LRRC9: variants seen among roughly 807,000 people sequenced by gnomAD.
The protein encoded by LRRC9 is leucine rich repeat containing 9, also known as leucine-rich repeat-containing protein 9.
Under a neutral mutation model 63.2 loss-of-function variants are expected in LRRC9, and 122 were observed. The ratio of observed to expected loss-of-function variants is 1.93; its 90% CI spans 1.67 to 2.24. The LOEUF (loss-of-function observed/expected upper bound fraction) is 2.24, where lower values mean the gene tolerates loss of function less well. Ranked by LOEUF, LRRC9 falls within the 30% of genes most tolerant of loss-of-function variation. The probability of loss-of-function intolerance (pLI) is 0.00; values close to 1 mark genes in which losing one functional copy is unlikely to be tolerated. For synonymous variants in LRRC9, 366 were observed against 213.1 expected (o/e 1.72, Z -6.25); for missense variants, 1,071 against 627.7 (o/e 1.71, Z -7.55).
At chr14:60,055,906 G>GA (rs11395416) in intron 30 of LRRC9, among the ~76,000 whole-genome samples, 107,459 of 140,578 alleles carry the variant, frequency 0.76, 41,356 homozygotes, top group Non-Finnish European at 0.83. Context: ...CCCTGTCTTG[G>GA]AAAAAAAAAA....
chr14:59,928,876 A>G (rs1389573657), intron 3 of LRRC9, among the ~76,000 whole-genome samples: 1 of 152,140 alleles, frequency 6.6e-6, no homozygotes, highest in African/African-American at 2.4e-5. Flanking sequence ...AGCCATATAC[A>G]GAAGATTGAA....
chr14:60,032,508 G>A (rs961730223), intron 29 of LRRC9, among the ~76,000 whole-genome samples: 1 of 151,948 alleles, frequency 6.6e-6, no homozygotes, highest in African/African-American at 2.4e-5. Context: ...TGAGAATCTT[G>A]TTGATATTTT....
rs768733806 is a variant in LRRC9, at chr14:60,027,820, G to T, written c.3704-64G>T. On this transcript the variant is annotated intron_variant, in intron 27 of 31. Coordinates refer to ENST00000445360, the Ensembl canonical transcript of LRRC9. This position sits in a 1 kb window ranked among gnomAD's most constrained non-coding sequence, Gnocchi z 4.0. ...CTGATTAAAAAATATTTAAATGTAA[G>T]TAGATATCCTTTACTTCAGGAAGTT... The T allele has an allele frequency of 4.6e-5, 26 of 561,318 alleles. No individual in the cohort carries two copies. The highest frequency in any genetic ancestry group is 7.9e-5 in the Non-Finnish European group (25 of 316,338). The allele number at this position is 561,318 out of a possible 1,614,324, so 34.8% of individuals were successfully genotyped here. A position where few individuals can be genotyped will look rare whatever the true frequency, so the allele number is the denominator to read the frequency against.
chr14:60,014,342 T>G lies in LRRC9; in HGVS notation c.3187-2318T>G, dbSNP rs1890504109. 2.6e-5 allele frequency among the ~76,000 whole-genome samples: 4 copies of G among 152,228 alleles called. No homozygotes were observed. In the South Asian group the frequency reaches 8.3e-4, roughly 32 times the overall value. ...GAAAAGAAGGGAAGTTTATTAATAC[T>G]CTTTCCATTGTGCTTTCCTCTTTCC... On this transcript the variant is annotated intron_variant, in intron 23 of 31. Transcript: ENST00000445360.
At position 60,017,800 on chromosome 14, in the gene LRRC9, T is replaced by C. The variant is rs1202559757; in HGVS notation, c.3318-571T>C. ...CTCTGTCATGGCTCAAATGAAGATA[T>C]AGCTATAGACTGGGAATCAAGCATT... On this transcript the variant is annotated intron_variant, in intron 24 of 31. Coordinates refer to ENST00000445360, the Ensembl canonical transcript of LRRC9. The surrounding 1 kb of genome is among the most constrained non-coding windows in gnomAD (Gnocchi z 4.0). Among the ~76,000 whole-genome samples the C allele has an allele frequency of 3.9e-5, 6 of 152,116 alleles. No individual in the cohort carries two copies. Among genetic ancestry groups the C allele is most frequent in the Non-Finnish European group, 2.9e-5 (2 of 68,004 alleles).
At chr14:60,054,063 G>T in intron 30 of LRRC9, 1 of 355,782 alleles carries the variant, frequency 2.8e-6, no homozygotes, top group Non-Finnish European at 5.4e-6. Context: ...TCCATGAACA[G>T]AGGTGACTTT....
intron 19 of LRRC9, 60 bp from the exon 20 acceptor site, chr14:60,001,906 A>T (rs970291432): frequency 6.5e-6 from 3 of 462,536 alleles, no homozygotes; most frequent in South Asian, 4.5e-5. Flanking sequence ...TTTTAACTAT[A>T]TATCAACTAA....
intron 7 of LRRC9, among the ~76,000 whole-genome samples, chr14:59,940,449 A>G (rs1881639979): frequency 6.6e-6 from 1 of 152,104 alleles, no homozygotes; most frequent in Admixed American, 6.6e-5. Flanking sequence ...ATGACTGTGA[A>G]CTAGTTTGTG....
chr14:60,038,208 C>T (rs1183135207), intron 29 of LRRC9, among the ~76,000 whole-genome samples: 2 of 152,084 alleles, frequency 1.3e-5, no homozygotes, highest in African/African-American at 2.4e-5. Flanking sequence ...GTGATGCCTC[C>T]AGCTTTGTTC....
intron 29 of LRRC9, among the ~76,000 whole-genome samples, chr14:60,047,897 A>T (rs1265460214): frequency 6.6e-6 from 1 of 152,324 alleles, no homozygotes; most frequent in Admixed American, 6.5e-5. Context: ...TCGGAAGTCA[A>T]ACACTCCTCA....
chr14:60,059,024 T>A (rs1469193916), intron 31 of LRRC9: 5 of 152,204 alleles, frequency 3.3e-5, no homozygotes, highest in African/African-American at 1.2e-4. Context: ...AAAGTCATCT[T>A]CAGGAATATC....
At chr14:59,969,703 T>C (rs1210193345) in intron 12 of LRRC9, among the ~76,000 whole-genome samples, 2 of 152,186 alleles carry the variant, frequency 1.3e-5, no homozygotes, top group Non-Finnish European at 2.9e-5. Flanking sequence ...TTTCTATCAA[T>C]TCAGGATGAA....
chr14:60,045,634 A>G (rs1169396128), intron 29 of LRRC9, among the ~76,000 whole-genome samples: 3 of 152,206 alleles, frequency 2.0e-5, no homozygotes, highest in Non-Finnish European at 4.4e-5. Context: ...ATAGTATTCC[A>G]TGGTTTAAAT....
chr14:60,065,828 CACAA>C (rs1394133334), downstream of LRRC9, among the ~76,000 whole-genome samples: 3 of 150,848 alleles, frequency 2.0e-5, no homozygotes, highest in Non-Finnish European at 4.4e-5. Context: ...AAGACAATTC[CACAA>C]ACAACCTGGT....
rs1891971545 is a variant in LRRC9 at position 60,031,275 on chromosome 14, TAGA to T, written c.3922-715_3922-713del. Among the ~76,000 whole-genome samples the T allele has an allele frequency of 6.6e-6, 1 of 152,092 alleles. No homozygotes were observed. Among genetic ancestry groups the T allele is most frequent in the South Asian group, 2.1e-4 (1 of 4,834 alleles). The stretch of plus-strand genomic sequence containing the variant: ...TAGGTCTAAATATTTTTACAGTTAC[TAGA>T]AGAATTTGCTATATGTCCACTTGTA... On this transcript the variant is annotated intron_variant, in intron 28 of 31. Transcript: ENST00000445360. The surrounding 1 kb of genome is among the most constrained non-coding windows in gnomAD (Gnocchi z 4.6).
intron 3 of LRRC9, among the ~76,000 whole-genome samples, chr14:59,929,946 T>G (rs767996828): frequency 6.6e-6 from 1 of 151,746 alleles, no homozygotes; most frequent in Non-Finnish European, 1.5e-5. Context: ...GGGAGAAGGA[T>G]CAGGAAAAAT....
rs1323398403 is a variant in LRRC9 at position 60,042,452 on chromosome 14, G to T, written c.3990+10389G>T. ...ACCTATTCAAGCCTCAGCAATGGCG[G>T]ATGCCCCTCCCCTAGCCTCGCTGCT... On this transcript the variant is annotated intron_variant, in intron 29 of 31. Coordinates refer to ENST00000445360, the Ensembl canonical transcript of LRRC9. The surrounding 1 kb of genome is among the most constrained non-coding windows in gnomAD (Gnocchi z 4.2). Among the ~76,000 whole-genome samples, 1 of 152,212 alleles carries T rather than the reference G, an allele frequency of 6.6e-6. No homozygotes were observed. Among genetic ancestry groups the T allele is most frequent in the African/African-American group, 2.4e-5 (1 of 41,464 alleles).
chr14:59,991,653 C>CACACCAGG (rs1264790084), intron 17 of LRRC9, among the ~76,000 whole-genome samples: 1 of 152,170 alleles, frequency 6.6e-6, no homozygotes, highest in Non-Finnish European at 1.5e-5. Context: ...TGGCAAACAG[C>CACACCAGG]ACACCAGGAG....
At chr14:59,946,643 C>T (rs941691291) in intron 8 of LRRC9, among the ~76,000 whole-genome samples, 2 of 143,892 alleles carry the variant, frequency 1.4e-5, no homozygotes, top group Non-Finnish European at 3.0e-5. Flanking sequence ...TCTCCCAGTG[C>T]TATCCCTCCC....
Sources: gnomAD v4.1 joint callset for allele counts (sites outside exome capture counted in the v4.1 genomes callset) on GRCh38, gnomAD v4.1.1 for gene constraint, Gnocchi (gnomAD v3.1) non-coding constraint, MANE v1.5 for transcripts, NCBI Gene and HGNC (gene_info 2026-07-23, HGNC 2026-07-21) for gene names.